Variants in LRP12 observed in about 807,000 individuals in gnomAD.
LRP12 encodes the protein LDL receptor related protein 12.
A neutral mutation model predicts 66.0 loss-of-function variants in LRP12; 14 were observed. The ratio of observed to expected loss-of-function variants is 0.21; its 90% CI spans 0.14 to 0.33. The LOEUF (loss-of-function observed/expected upper bound fraction) is 0.33. Among genes scored for constraint, LRP12 ranks in the 10% least tolerant of loss-of-function variants. LRP12 has a pLI of 1.00. For synonymous variants in LRP12, 357 were observed against 359.1 expected (o/e 0.99, Z 0.07); for missense variants, 889 against 1,053.4 (o/e 0.84, Z 2.16).
chr8:104,583,023 C>G (rs1463306193), intron 1 of LRP12, among the ~76,000 whole-genome samples: 1 of 152,056 alleles, frequency 6.6e-6, no homozygotes, highest in African/African-American at 2.4e-5. Flanking sequence ...TTATCTCTAT[C>G]AACAGGGCAA....
At chr8:104,538,177 T>C (rs1399456722) in intron 1 of LRP12, among the ~76,000 whole-genome samples, 3 of 152,196 alleles carry the variant, frequency 2.0e-5, no homozygotes, top group Admixed American at 2.0e-4. Flanking sequence ...TTTAAGGGCA[T>C]TGTTAAAAAG....
At chr8:104,544,011 TAGTC>T (rs1213574407) in intron 1 of LRP12, among the ~76,000 whole-genome samples, 1 of 152,198 alleles carries the variant, frequency 6.6e-6, no homozygotes, top group Non-Finnish European at 1.5e-5. Flanking sequence ...GCTAAAGAGT[TAGTC>T]AAGTTGTGTA....
In LRP12 at chr8:104,568,407, C is replaced by T. The variant is rs886664479; in HGVS notation, c.79+20412G>A. 2.0e-5 allele frequency among the ~76,000 whole-genome samples: 3 copies of T among 152,082 alleles called. No homozygotes were observed. The East Asian group carries it at 5.8e-4, about 29-fold the overall frequency. ...GATATAATATCAAAGACACAAGTAA[C>T]AAAAACTAGGTAAACTGGACTGTCT... is the stretch of plus-strand genomic sequence containing the variant. On this transcript the variant is annotated intron_variant, in intron 1 of 6. Transcript: ENST00000276654.
Position 104,491,293 on chromosome 8 carries a change from C to A in LRP12, c.1960G>T (p.Asp654Tyr), listed in dbSNP as rs747847767. 2 of 1,614,020 alleles carry A rather than the reference C, an allele frequency of 1.2e-6. No individual in the cohort carries two copies. The highest frequency in any genetic ancestry group is 2.2e-5 in the East Asian group (1 of 44,888). Residue 654 changes from aspartate (D) to tyrosine (Y), a missense_variant, in exon 7 of 7, where the codon GAT becomes TAT. Around this residue, in one of 3 missense-constraint regions of LRP12, gnomAD observed 800 missense variants for 964.5 expected, o/e 0.83. Coordinates refer to ENST00000276654, the MANE Select transcript of LRP12 (RefSeq NM_013437.5). ...CTTCTCTCATTTTCTGTGTCTGTAT[C>A]ATCAGACTCCACGGAAAACAAACTT... ...HRSLFSVESD[D>Y]TDTENERRDM... is the part of the protein sequence containing the mutation.
chr8:104,539,869 GAAGA>G (rs1463367260), intron 1 of LRP12, among the ~76,000 whole-genome samples: 1 of 152,034 alleles, frequency 6.6e-6, no homozygotes, highest in Non-Finnish European at 1.5e-5. Context: ...CACTTTTTGT[GAAGA>G]TATATATGCA....
intron 1 of LRP12, among the ~76,000 whole-genome samples, chr8:104,564,920 G>A (rs183277860): frequency 1.1e-3 from 161 of 147,642 alleles, no homozygotes; most frequent in African/African-American, 3.8e-3. Flanking sequence ...GTAACAGAGT[G>A]AGACTCTGTC....
At chr8:104,544,419 A>G (rs1384020771) in intron 1 of LRP12, among the ~76,000 whole-genome samples, 2 of 152,194 alleles carry the variant, frequency 1.3e-5, no homozygotes, top group Non-Finnish European at 2.9e-5. Flanking sequence ...GAGGCAACAG[A>G]TTCTCAATGT....
At chr8:104,515,485 C>CT (rs138878581) in intron 2 of LRP12, among the ~76,000 whole-genome samples, 718 of 152,120 alleles carry the variant, frequency 4.7e-3, no homozygotes, top group Non-Finnish European at 8.3e-3. Flanking sequence ...AATGTGGTTA[C>CT]TTTTTTTGGC....
intron 1 of LRP12, among the ~76,000 whole-genome samples, chr8:104,578,209 G>A (rs1008806116): frequency 2.6e-5 from 4 of 150,984 alleles, no homozygotes; most frequent in African/African-American, 9.7e-5. Flanking sequence ...ACAACAAAGG[G>A]GATACTACCA....
chr8:104,524,998 T>C (rs1032812211), intron 2 of LRP12, among the ~76,000 whole-genome samples: 1 of 152,120 alleles, frequency 6.6e-6, no homozygotes, highest in Admixed American at 6.5e-5. Flanking sequence ...TCATTCTATG[T>C]AGCAGATGAG....
At chr8:104,551,643 C>T (rs892441480) in intron 1 of LRP12, among the ~76,000 whole-genome samples, 2 of 152,112 alleles carry the variant, frequency 1.3e-5, no homozygotes, top group South Asian at 4.1e-4. Flanking sequence ...AATCCTCTTA[C>T]GATTATGGCC....
intron 1 of LRP12, among the ~76,000 whole-genome samples, chr8:104,553,423 G>A (rs577270292): frequency 2.2e-4 from 33 of 152,112 alleles, no homozygotes; most frequent in Non-Finnish European, 2.9e-4. Flanking sequence ...GAGTGAAACC[G>A]GCCTTTCAGG....
rs568698338 is a variant in LRP12 at position 104,589,127 on chromosome 8, A to G, written c.-230T>C. 111 of 185,960 alleles carry G rather than the reference A, an allele frequency of 6.0e-4. No homozygotes were observed. The highest frequency in any genetic ancestry group is 1.3e-3 in the Admixed American group (20 of 15,698). The allele number at this position is 185,960 out of a possible 1,614,324, so 11.5% of individuals were successfully genotyped here. On this transcript the variant is annotated 5_prime_UTR_variant, in exon 1 of 7. Transcript: ENST00000276654. ...CTGCTCCCACCCCGGGCGGTGCGAG[A>G]GCCCCACGCGGGGCGGCCCTCCTGG...
chr8:104,535,228 T>G (rs767290393), intron 1 of LRP12, among the ~76,000 whole-genome samples: 31 of 151,952 alleles, frequency 2.0e-4, no homozygotes, highest in Non-Finnish European at 3.4e-4. Context: ...ACCAACCCCA[T>G]TTATTGCTTT....
intron 2 of LRP12, among the ~76,000 whole-genome samples, chr8:104,512,811 G>A (rs988141232): frequency 6.6e-6 from 1 of 151,900 alleles, no homozygotes; most frequent in Non-Finnish European, 1.5e-5. Flanking sequence ...TTCATGCAAC[G>A]GCCCAGGGAT....
chr8:104,563,008 A>G (rs1811938133), intron 1 of LRP12, among the ~76,000 whole-genome samples: 1 of 152,152 alleles, frequency 6.6e-6, no homozygotes, highest in Non-Finnish European at 1.5e-5. Flanking sequence ...TTTGAGCTGC[A>G]TTTTGTTTAC....
intron 2 of LRP12, among the ~76,000 whole-genome samples, chr8:104,516,658 A>G (rs1202845670): frequency 1.3e-5 from 2 of 152,140 alleles, no homozygotes; most frequent in Non-Finnish European, 2.9e-5. Flanking sequence ...GCAAAGGACT[A>G]TGGTTTTAAA....
At chr8:104,509,721 G>A (rs1254724215) in intron 2 of LRP12, among the ~76,000 whole-genome samples, 1 of 152,152 alleles carries the variant, frequency 6.6e-6, no homozygotes, top group African/African-American at 2.4e-5. Flanking sequence ...ATCGTATGCT[G>A]AGGTGTCTGA....
intron 3 of LRP12, among the ~76,000 whole-genome samples, chr8:104,501,868 T>A (rs569369677): frequency 6.6e-6 from 1 of 152,252 alleles, no homozygotes; most frequent in African/African-American, 2.4e-5. Context: ...TTTTGCTTTG[T>A]GTTTAGTGCA....
Sources: gnomAD v4.1 joint callset for allele counts (sites outside exome capture counted in the v4.1 genomes callset) on GRCh38, gnomAD v4.1.1 for gene constraint, gnomAD v4.1.1 regional missense constraint, MANE v1.5 for transcripts, NCBI Gene and HGNC (gene_info 2026-07-23, HGNC 2026-07-21) for gene names.